Variants in ADGRV1 observed in about 807,000 individuals in gnomAD.
ADGRV1 encodes the protein G-protein coupled receptor 98.
ADGRV1 carries 359 observed loss-of-function variants against 596.2 expected under a neutral mutation model. The observed-to-expected ratio is 0.60, with a 90% CI of 0.55 to 0.66. ADGRV1 has a LOEUF of 0.66. Ranked by LOEUF, ADGRV1 falls within the 30% of genes least tolerant of loss-of-function variation. The pLI, the probability that ADGRV1 is intolerant of heterozygous loss-of-function variation, is 0.00. For synonymous variants in ADGRV1, 2,681 were observed against 2,679.2 expected, an observed-to-expected ratio of 1.00 and a Z score of -0.02; for missense variants, 7,274 against 7,575.6, an observed-to-expected ratio of 0.96 and a Z score of 1.48.
At chr5:90,702,129 G>T (rs899858139) in intron 34 of ADGRV1, among the ~76,000 whole-genome samples, 1 of 150,816 alleles carries the variant, frequency 6.6e-6, no homozygotes, top group African/African-American at 2.5e-5. Context: ...TTCCAAACTT[G>T]CTCTATAAGA....
At chr5:91,016,297 C>A (rs780629840) in intron 85 of ADGRV1, among the ~76,000 whole-genome samples, 3 of 151,852 alleles carry the variant, frequency 2.0e-5, no homozygotes, top group Non-Finnish European at 4.4e-5. Context: ...GTAGGAAGTT[C>A]TTTAGAAATT....
At chr5:90,756,036 A>G (rs1755798782) in intron 55 of ADGRV1, among the ~76,000 whole-genome samples, 1 of 151,650 alleles carries the variant, frequency 6.6e-6, no homozygotes, top group African/African-American at 2.4e-5. Context: ...ACAAAGTAAG[A>G]AATTTTTAAA....
At chr5:90,898,252 A>G (rs1317507503) in intron 83 of ADGRV1, among the ~76,000 whole-genome samples, 1 of 152,248 alleles carries the variant, frequency 6.6e-6, no homozygotes, top group Non-Finnish European at 1.5e-5. Flanking sequence ...CAAAGAGAAA[A>G]TAATGGATAA....
chr5:90,897,512 C>CATT (rs1771445010), intron 83 of ADGRV1, among the ~76,000 whole-genome samples: 1 of 146,198 alleles, frequency 6.8e-6, no homozygotes, highest in Admixed American at 6.8e-5. Flanking sequence ...GTACTGCAAG[C>CATT]ATTAGCACAG....
chr5:90,731,838 A>G (rs1237905063), intron 50 of ADGRV1, among the ~76,000 whole-genome samples: 1 of 152,214 alleles, frequency 6.6e-6, no homozygotes, highest in Non-Finnish European at 1.5e-5. Context: ...TCTATTTTAA[A>G]ATGACAGCAA....
intron 87 of ADGRV1, among the ~76,000 whole-genome samples, chr5:91,104,452 C>T (rs1791670446): frequency 6.6e-6 from 1 of 152,164 alleles, no homozygotes; most frequent in South Asian, 2.1e-4. Context: ...TTTCAATATC[C>T]TCCTTCTAGC....
intron 83 of ADGRV1, among the ~76,000 whole-genome samples, chr5:90,936,636 CTTATT>C (rs1375734104): frequency 6.6e-6 from 1 of 151,518 alleles, no homozygotes; most frequent in East Asian, 1.9e-4. Flanking sequence ...ATTAAATTAT[CTTATT>C]TTAGTTTTGT....
intron 83 of ADGRV1, among the ~76,000 whole-genome samples, chr5:90,891,684 A>G (rs1381163621): frequency 1.3e-5 from 2 of 151,942 alleles, no homozygotes; most frequent in African/African-American, 2.4e-5. Flanking sequence ...TTACTTGGCT[A>G]TAGCATAAAA....
At chr5:90,831,974 C>T (rs1204660649) in intron 77 of ADGRV1, among the ~76,000 whole-genome samples, 1 of 152,098 alleles carries the variant, frequency 6.6e-6, no homozygotes, top group Admixed American at 6.6e-5. Flanking sequence ...TATCCATTCA[C>T]CTGTTGATGG....
At chr5:91,032,466 T>C (rs1355139922) in intron 85 of ADGRV1, among the ~76,000 whole-genome samples, 1 of 152,214 alleles carries the variant, frequency 6.6e-6, no homozygotes, top group Non-Finnish European at 1.5e-5. Context: ...CTATCTCTGC[T>C]ACCTTCATTT....
In ADGRV1 at chr5:90,567,272, T is replaced by C. The variant is rs551891258; in HGVS notation, c.22+8355T>C. ...CTTGTCTTAGTTTTTTTCTTGGTTC[T>C]TTTTTTCCATAATGTCTTTGTCTGG... On this transcript the variant is annotated intron_variant, in intron 1 of 89. Coordinates refer to ENST00000405460, the MANE Select transcript of ADGRV1 (RefSeq NM_032119.4). Among the ~76,000 whole-genome samples, 14 of 152,218 alleles carry C rather than the reference T, an allele frequency of 9.2e-5. No homozygotes were observed. The South Asian group carries it at 2.9e-3, about 32-fold the overall frequency.
intron 87 of ADGRV1, among the ~76,000 whole-genome samples, chr5:91,143,231 G>A (rs1795249016): frequency 6.6e-6 from 1 of 152,152 alleles, no homozygotes; most frequent in South Asian, 2.1e-4. Context: ...CTGGCTTGGG[G>A]CACTCCTAGG....
intron 85 of ADGRV1, among the ~76,000 whole-genome samples, chr5:91,020,608 G>A (rs1380518766): frequency 1.3e-5 from 2 of 152,000 alleles, no homozygotes; most frequent in Admixed American, 6.6e-5. Context: ...ATCCATTCCA[G>A]CATTTGCAGA....
rs41305898 is a variant in ADGRV1 at position 90,653,788 on chromosome 5, C to T, written c.4214C>T (p.Ser1405Phe). The change falls in exon 20 of 90, where the codon TCC becomes TTC. Residue 1405 changes from serine (S) to phenylalanine (F), a missense_variant. By Grantham distance (155) the Ser-to-Phe change is radical. This residue lies in a region of ADGRV1 where 1,715 missense variants were observed against 1,708.8 expected (regional missense o/e 1.00). Transcript: ENST00000405460. ...TLSLHYKTLG[S>F]NATYIAKTTV... The stretch of plus-strand genomic sequence containing the variant: ...TCCCTTCATTATAAAACCTTGGGTT[C>T]CAATGCTACATACATTGCCAAGACA... The T allele has an allele frequency of 1.4e-3, 2,189 of 1,613,382 alleles. 5 individuals are homozygous for T. The highest frequency in any genetic ancestry group is 0.012 in the Middle Eastern group (72 of 6,062).
At chr5:91,112,534 G>A (rs1209701044) in intron 87 of ADGRV1, among the ~76,000 whole-genome samples, 2 of 152,190 alleles carry the variant, frequency 1.3e-5, no homozygotes, top group African/African-American at 4.8e-5. Context: ...CTTTAAGAGA[G>A]TTTGGGAGAG....
chr5:91,006,248 C>T (rs1260925036), intron 85 of ADGRV1, among the ~76,000 whole-genome samples: 1 of 152,096 alleles, frequency 6.6e-6, no homozygotes, highest in Non-Finnish European at 1.5e-5. Context: ...GGTACAGAGC[C>T]TTACAGGGGC....
intron 2 of ADGRV1, among the ~76,000 whole-genome samples, chr5:90,616,245 A>G (rs1561389533): frequency 1.3e-5 from 2 of 152,156 alleles, no homozygotes; most frequent in Non-Finnish European, 2.9e-5. Context: ...TTTTTCTAGT[A>G]GCTTAATTAC....
intron 23 of ADGRV1, 137 bp downstream of exon 23, chr5:90,674,371 T>G: frequency 2.1e-6 from 1 of 485,232 alleles, no homozygotes; most frequent in Admixed American, 3.9e-5. Context: ...CTCTTTAACT[T>G]GTATGCTACT....
chr5:90,789,830 G>A lies in ADGRV1; in HGVS notation c.14022G>A (p.Lys4674=), dbSNP rs1554117199. 10 of 1,475,764 alleles carry A rather than the reference G, an allele frequency of 6.8e-6. No individual in the cohort carries two copies. The highest frequency in any genetic ancestry group is 8.1e-6 in the Non-Finnish European group (9 of 1,107,560). 91.4% of individuals were successfully genotyped at this position (1,475,764 alleles called of 1,614,324 possible). The change falls in exon 69 of 90, where the codon AAG becomes AAA. Residue 4674 remains lysine, a synonymous_variant. Transcript: ENST00000405460. ...TTACCTTCTTTGTCAGAAGAGTCAA[G>A]GGCACCTTTGGAGAGATTATGGTAT... ...LLITFFVRRV[K]GTFGEIMVYW...
Sources: allele counts gnomAD v4.1 joint callset (sites outside exome capture counted in the v4.1 genomes callset), GRCh38; gene constraint gnomAD v4.1.1; regional missense constraint gnomAD v4.1.1; transcripts MANE v1.5; gene names NCBI Gene and HGNC (gene_info 2026-07-23, HGNC 2026-07-21).